The following ARHGAP18 variants were observed in gnomAD, a reference collection of about 807,000 sequenced individuals.
The protein encoded by ARHGAP18 is rho GTPase-activating protein 18.
A neutral mutation model predicts 86.2 loss-of-function variants in ARHGAP18; 67 were observed. That is an observed-to-expected ratio of 0.78 (90% CI 0.64 to 0.95). The LOEUF is 0.95. Ranked by LOEUF, ARHGAP18 falls within the 40% of genes least tolerant of loss-of-function variation. The pLI is 0.00. For synonymous variants in ARHGAP18, 283 were observed against 280.4 expected, an observed-to-expected ratio of 1.01 and a Z score of -0.09; for missense variants, 691 against 780.4, an observed-to-expected ratio of 0.89 and a Z score of 1.37.
intron 2 of ARHGAP18, among the ~76,000 whole-genome samples, chr6:129,640,042 CAAAA>C (rs374771260): frequency 0.26 from 18,969 of 72,338 alleles, 1,014 homozygotes; most frequent in Non-Finnish European, 0.3. Context: ...GAGACTGTCT[CAAAA>C]AAAAAAAAAA....
Position 129,599,364 on chromosome 6 carries a change from G to A in ARHGAP18, c.1573-8C>T. On this transcript the variant is annotated splice_region_variant and splice_polypyrimidine_tract_variant and intron_variant, in intron 11 of 14. Transcript: ENST00000368149. ...TACAATAAACTTGGGAATCTATAGAGAAAAGGAATTAAGCTTAGAGAGGAA... is the reference window on the plus strand; with the variant it reads ...TACAATAAACTTGGGAATCTATAGAAAAAAGGAATTAAGCTTAGAGAGGAA... 1 of 1,515,968 alleles carries A rather than the reference G, an allele frequency of 6.6e-7. No individual in the cohort carries two copies. Among genetic ancestry groups the A allele is most frequent in the Non-Finnish European group, 8.8e-7 (1 of 1,137,770 alleles). 93.9% of individuals were successfully genotyped at this position (1,515,968 alleles called of 1,614,324 possible).
chr6:129,578,731 A>C (rs1788229437), intron 14 of ARHGAP18, 127 bp from the exon 15 acceptor site: 1 of 657,900 alleles, frequency 1.5e-6, no homozygotes, highest in African/African-American at 1.9e-5. Flanking sequence ...TGGGAGGCCG[A>C]GGTGGGCAGA....
At chr6:129,649,288 A>G (rs187718669) in intron 1 of ARHGAP18, among the ~76,000 whole-genome samples, 14 of 152,148 alleles carry the variant, frequency 9.2e-5, no homozygotes, top group Non-Finnish European at 1.8e-4. Flanking sequence ...AGGTGCGGTG[A>G]CTCACGCCTG....
At chr6:129,618,963 GA>G in intron 5 of ARHGAP18, 111 bp from the exon 6 acceptor site, 1 of 962,898 alleles carries the variant, frequency 1.0e-6, no homozygotes, top group Non-Finnish European at 1.5e-6. Flanking sequence ...TAAGTGATAA[GA>G]AAAGCCACAG....
At chr6:129,641,153 G>A (rs1389004329) in intron 2 of ARHGAP18, among the ~76,000 whole-genome samples, 1 of 152,140 alleles carries the variant, frequency 6.6e-6, no homozygotes, top group African/African-American at 2.4e-5. Flanking sequence ...CCAATCTGGA[G>A]AAGTATACTT....
intron 11 of ARHGAP18, 104 bp from the exon 12 acceptor site, chr6:129,599,460 T>A: frequency 9.3e-7 from 1 of 1,075,096 alleles, no homozygotes; most frequent in Non-Finnish European, 1.2e-6. Context: ...AGTAAAGAGT[T>A]TCTCTTTTTG....
At chr6:129,703,734 T>G (rs568085284) in intron 1 of ARHGAP18, among the ~76,000 whole-genome samples, 1 of 152,316 alleles carries the variant, frequency 6.6e-6, no homozygotes, top group Admixed American at 6.5e-5. Flanking sequence ...ATGGATAGGG[T>G]TTTTAAACCA....
At chr6:129,629,686 A>C (rs1441024646) in intron 4 of ARHGAP18, among the ~76,000 whole-genome samples, 164 bp from the exon 5 acceptor site, 1 of 152,144 alleles carries the variant, frequency 6.6e-6, no homozygotes, top group Non-Finnish European at 1.5e-5. Context: ...GAATCCTATC[A>C]ATGGTGCATG....
At chr6:129,683,793 G>C (rs1401339852) in intron 1 of ARHGAP18, among the ~76,000 whole-genome samples, 1 of 152,174 alleles carries the variant, frequency 6.6e-6, no homozygotes, top group African/African-American at 2.4e-5. Context: ...TGGATATGGT[G>C]AATGAGAACA....
intron 1 of ARHGAP18, among the ~76,000 whole-genome samples, chr6:129,690,101 C>T (rs1302896393): frequency 6.6e-6 from 1 of 151,614 alleles, no homozygotes; most frequent in Non-Finnish European, 1.5e-5. Context: ...ACAAAATCAA[C>T]ATAAATGTTC....
intron 1 of ARHGAP18, among the ~76,000 whole-genome samples, chr6:129,661,693 A>T (rs954882738): frequency 7.2e-5 from 11 of 152,106 alleles, no homozygotes; most frequent in African/African-American, 2.4e-4. Context: ...GAAGATTTCC[A>T]GCTGTGACTT....
intron 12 of ARHGAP18, among the ~76,000 whole-genome samples, chr6:129,593,921 T>C (rs1562680875): frequency 6.6e-6 from 1 of 152,190 alleles, no homozygotes; most frequent in Non-Finnish European, 1.5e-5. Flanking sequence ...ACTAGTGTAG[T>C]CTAGCACGTC....
intron 1 of ARHGAP18, among the ~76,000 whole-genome samples, chr6:129,655,342 GA>G (rs1554339775): frequency 1.1e-5 from 1 of 92,280 alleles, no homozygotes; most frequent in Non-Finnish European, 2.2e-5. Context: ...AAAAAAAAAA[GA>G]AAAGAAAAGA....
At chr6:129,668,372 A>G (rs1774081008) in intron 1 of ARHGAP18, among the ~76,000 whole-genome samples, 1 of 148,216 alleles carries the variant, frequency 6.7e-6, no homozygotes, top group African/African-American at 2.5e-5. Flanking sequence ...TCACACACAC[A>G]CACACACACA....
At chr6:129,696,151 A>G (rs757358810) in intron 1 of ARHGAP18, among the ~76,000 whole-genome samples, 5 of 152,202 alleles carry the variant, frequency 3.3e-5, no homozygotes, top group Non-Finnish European at 7.3e-5. Flanking sequence ...TGTTTTTCAC[A>G]GGTAACATGT....
At chr6:129,638,318 T>C in intron 3 of ARHGAP18, 76 bp downstream of exon 3, 1 of 1,386,348 alleles carries the variant, frequency 7.2e-7, no homozygotes, top group African/African-American at 1.4e-5. Context: ...TTTTTAATCA[T>C]TTGAATTAAA....
At chr6:129,620,919 C>T (rs1789214078) in intron 5 of ARHGAP18, among the ~76,000 whole-genome samples, 1 of 152,164 alleles carries the variant, frequency 6.6e-6, no homozygotes, top group Non-Finnish European at 1.5e-5. Flanking sequence ...AGTGCTACTG[C>T]AACAGACTGA....
At chr6:129,708,710 T>C (rs943543636) in intron 1 of ARHGAP18, among the ~76,000 whole-genome samples, 5 of 152,184 alleles carry the variant, frequency 3.3e-5, no homozygotes, top group African/African-American at 1.2e-4. Flanking sequence ...TTGACTGACA[T>C]GTGGAATCCA....
intron 1 of ARHGAP18, among the ~76,000 whole-genome samples, chr6:129,655,956 G>A (rs551403144): frequency 6.6e-6 from 1 of 152,236 alleles, no homozygotes; most frequent in East Asian, 1.9e-4. Flanking sequence ...TCCATTTCAA[G>A]TAACACAGGA....
Sources: gnomAD v4.1 joint callset for allele counts (sites outside exome capture counted in the v4.1 genomes callset) on GRCh38, gnomAD v4.1.1 for gene constraint, MANE v1.5 for transcripts, NCBI Gene and HGNC (gene_info 2026-07-23, HGNC 2026-07-21) for gene names.